Variants in WIF1 observed in about 807,000 individuals in gnomAD.
WIF1 encodes Wnt inhibitory factor 1.
WIF1 carries 35 observed loss-of-function variants against 53.5 expected under a neutral mutation model. The observed-to-expected ratio is 0.65, with a 90% CI of 0.50 to 0.87. The LOEUF (loss-of-function observed/expected upper bound fraction) is 0.87. Ranked by LOEUF, WIF1 falls within the 40% of genes least tolerant of loss-of-function variation. The pLI, the probability that WIF1 is intolerant of heterozygous loss-of-function variation, is 0.00. For synonymous variants in WIF1, 171 were observed against 170.4 expected, an observed-to-expected ratio of 1.00 and a Z score of -0.03; for missense variants, 467 against 476.8, an observed-to-expected ratio of 0.98 and a Z score of 0.19.
chr12:65,066,115 C>A (rs1384257467), intron 6 of WIF1, among the ~76,000 whole-genome samples: 1 of 152,092 alleles, frequency 6.6e-6, no homozygotes, highest in Admixed American at 6.5e-5. Flanking sequence ...AATTTGCACT[C>A]CCGTTATGTA....
At chr12:65,092,057 G>A (rs1316835381) in intron 2 of WIF1, among the ~76,000 whole-genome samples, 1 of 152,206 alleles carries the variant, frequency 6.6e-6, no homozygotes, top group East Asian at 1.9e-4. Context: ...GAGAAAGATG[G>A]TAGAGAATAA....
chr12:65,069,781 C>T (rs1882745107), intron 3 of WIF1, among the ~76,000 whole-genome samples: 1 of 152,114 alleles, frequency 6.6e-6, no homozygotes, highest in Non-Finnish European at 1.5e-5. Context: ...CCACAAATCA[C>T]TGGGTGAAAA....
intron 3 of WIF1, among the ~76,000 whole-genome samples, chr12:65,077,472 C>CT (rs999557390): frequency 2.6e-5 from 4 of 152,022 alleles, no homozygotes; most frequent in South Asian, 4.2e-4. Flanking sequence ...TTTCTTTCTC[C>CT]TTTTTTTTCT....
chr12:65,062,426 T>A, intron 7 of WIF1, 55 bp downstream of exon 7: 1 of 1,429,592 alleles, frequency 7.0e-7, no homozygotes, highest in Non-Finnish European at 9.7e-7. Context: ...GAAGGGGTTA[T>A]ATGGGGTTTC....
intron 9 of WIF1, among the ~76,000 whole-genome samples, chr12:65,054,437 A>G (rs542038716): frequency 6.6e-6 from 1 of 152,288 alleles, no homozygotes; most frequent in African/African-American, 2.4e-5. Flanking sequence ...TGCTTAGCAC[A>G]GGAGAGACCA....
chr12:65,101,498 G>A (rs1883282004), intron 2 of WIF1, among the ~76,000 whole-genome samples: 1 of 152,072 alleles, frequency 6.6e-6, no homozygotes, highest in African/African-American at 2.4e-5. Context: ...GGCAAAAACT[G>A]CCTAAAATGA....
At chr12:65,115,944 T>C (rs947776114) in intron 2 of WIF1, among the ~76,000 whole-genome samples, 1 of 152,196 alleles carries the variant, frequency 6.6e-6, no homozygotes, top group Admixed American at 6.5e-5. Context: ...GAGTGATAAG[T>C]AGTGTAAAAA....
At chr12:65,057,543 T>C (rs1882547708) in intron 7 of WIF1, among the ~76,000 whole-genome samples, 1 of 152,238 alleles carries the variant, frequency 6.6e-6, no homozygotes, top group Non-Finnish European at 1.5e-5. Context: ...AACCACATCC[T>C]ATGCCTGGCA....
At chr12:65,083,960 C>T (rs1445791683) in intron 2 of WIF1, 2 of 245,832 alleles carry the variant, frequency 8.1e-6, no homozygotes, top group Non-Finnish European at 1.6e-5. Flanking sequence ...CATCTCACCC[C>T]TCCAAGTAGC....
intron 2 of WIF1, among the ~76,000 whole-genome samples, chr12:65,093,278 T>C (rs986465519): frequency 6.6e-6 from 1 of 152,168 alleles, no homozygotes; most frequent in Non-Finnish European, 1.5e-5. Context: ...GATGGCATTT[T>C]GCTTCTTTGG....
chr12:65,077,842 A>G lies in WIF1; in HGVS notation c.301T>C (p.Tyr101His). 3 of 1,613,610 alleles carry G rather than the reference A, an allele frequency of 1.9e-6. No homozygotes were observed. The highest frequency in any genetic ancestry group is 4.5e-5 in the East Asian group (2 of 44,842). Residue 101 changes from tyrosine to histidine, a missense_variant, in exon 3 of 10, where the codon TAT becomes CAT. By Grantham distance (83) the Tyr-to-His change is moderately conservative (BLOSUM62 2). Coordinates refer to ENST00000286574, the MANE Select transcript of WIF1 (RefSeq NM_007191.5). ...AGGGAGCGCAAGGACAGGAATTCATAGAAGTATTCTGCCTACAACCAAAGG... is the reference window on the plus strand; with the variant it reads ...AGGGAGCGCAAGGACAGGAATTCATGGAAGTATTCTGCCTACAACCAAAGG... ...WQAAGQAEYF[Y>H]EFLSLRSLDK...
chr12:65,091,063 A>G (rs1883114714), intron 2 of WIF1, among the ~76,000 whole-genome samples: 1 of 152,134 alleles, frequency 6.6e-6, no homozygotes, highest in Non-Finnish European at 1.5e-5. Flanking sequence ...GTTAGCACAT[A>G]TAGGCAAAAT....
At chr12:65,105,336 T>C (rs575711020) in intron 2 of WIF1, among the ~76,000 whole-genome samples, 2 of 152,154 alleles carry the variant, frequency 1.3e-5, no homozygotes, top group Non-Finnish European at 2.9e-5. Flanking sequence ...TACGGGGACA[T>C]GGGCTGAAGG....
chr12:65,053,683 A>G (rs1882478418), intron 9 of WIF1, among the ~76,000 whole-genome samples: 1 of 152,160 alleles, frequency 6.6e-6, no homozygotes, highest in African/African-American at 2.4e-5. Flanking sequence ...AGAACAGACT[A>G]ATACATGTAA....
intron 2 of WIF1, among the ~76,000 whole-genome samples, chr12:65,112,451 C>CACACACACACACACACACACA (rs66889835): frequency 6.7e-6 from 1 of 148,542 alleles, no homozygotes; most frequent in Admixed American, 6.7e-5. Flanking sequence ...CACACACACA[C>CACACACACACACACACACACA]CATCCTGGAG....
intron 2 of WIF1, among the ~76,000 whole-genome samples, chr12:65,089,862 C>G (rs1883097420): frequency 6.6e-6 from 1 of 152,072 alleles, no homozygotes; most frequent in African/African-American, 2.4e-5. Flanking sequence ...TGTCTCTTCC[C>G]CCTGGCCCCT....
chr12:65,061,459 T>C (rs1352527228), intron 7 of WIF1, among the ~76,000 whole-genome samples: 1 of 152,188 alleles, frequency 6.6e-6, no homozygotes, highest in African/African-American at 2.4e-5. Flanking sequence ...CAGGCTGACC[T>C]TCCTTTTGCT....
intron 2 of WIF1, among the ~76,000 whole-genome samples, chr12:65,089,228 G>A (rs527711826): frequency 1.3e-5 from 2 of 152,190 alleles, no homozygotes; most frequent in South Asian, 2.1e-4. Flanking sequence ...CCTTAGGAAA[G>A]CATAATATAC....
At chr12:65,082,084 A>G (rs759996331) in intron 2 of WIF1, among the ~76,000 whole-genome samples, 63 of 152,150 alleles carry the variant, frequency 4.1e-4, no homozygotes, top group Non-Finnish European at 7.8e-4. Flanking sequence ...ATTAAAAGCC[A>G]CAAGAAATGG....
Sources: allele counts gnomAD v4.1 joint callset (sites outside exome capture counted in the v4.1 genomes callset), GRCh38; gene constraint gnomAD v4.1.1; transcripts MANE v1.5; gene names NCBI Gene and HGNC (gene_info 2026-07-23, HGNC 2026-07-21).